The following IDE variants were observed in gnomAD, a reference collection of about 807,000 sequenced individuals.
IDE encodes the protein insulin-degrading enzyme.
A neutral mutation model predicts 133.2 loss-of-function variants in IDE; 58 were observed. The ratio of observed to expected loss-of-function variants is 0.44; its 90% CI spans 0.35 to 0.54. IDE has a LOEUF of 0.54. IDE is among the 20% of genes least tolerant of loss of function. IDE has a pLI of 0.00. For synonymous variants in IDE, 396 were observed against 421.3 expected (o/e 0.94, Z 0.73); for missense variants, 981 against 1,234.0 (o/e 0.79, Z 3.07).
chr10:92,465,713 T>G lies in IDE; in HGVS notation c.2451A>C (p.Glu817Asp). 6.2e-7 allele frequency: 1 copy of G among 1,614,040 alleles called. No homozygotes were observed. Among genetic ancestry groups the G allele is most frequent in the South Asian group, 1.1e-5 (1 of 91,078 alleles). Residue 817 changes from glutamate (E) to aspartate (D), a missense_variant, in exon 20 of 25, where the codon GAA becomes GAC. Physicochemically the swap from Glu to Asp is conservative, Grantham distance 45. Around this residue, in one of 2 missense-constraint regions of IDE, gnomAD observed 660 missense variants for 894.7 expected, o/e 0.74. Coordinates refer to ENST00000265986, the MANE Select transcript of IDE (RefSeq NM_004969.4). ...FLELFCQIIS[E>D]PCFNTLRTKE... The stretch of plus-strand genomic sequence containing the variant: ...TGGTGCGCAGGGTGTTGAAGCAAGG[T>G]TCCGAGATAATCTGACAGAAGAGCT...
intron 1 of IDE, among the ~76,000 whole-genome samples, chr10:92,564,451 C>G: frequency 6.6e-6 from 1 of 151,884 alleles, no homozygotes; most frequent in Non-Finnish European, 1.5e-5. Flanking sequence ...GCCGGCAGAT[C>G]ACTTGAGGTC....
chr10:92,503,385 G>A (rs958881238), intron 11 of IDE, among the ~76,000 whole-genome samples: 11 of 152,268 alleles, frequency 7.2e-5, no homozygotes, highest in Admixed American at 1.3e-4. Context: ...GCTCAGGCTG[G>A]TCTTAAACTC....
chr10:92,500,684 G>A (rs1365115006), intron 11 of IDE, among the ~76,000 whole-genome samples: 3 of 151,434 alleles, frequency 2.0e-5, no homozygotes, highest in East Asian at 1.9e-4. Context: ...CAATACTACC[G>A]TGTCTTAATT....
At chr10:92,506,745 A>T (rs1462627537) in intron 9 of IDE, among the ~76,000 whole-genome samples, 1 of 152,224 alleles carries the variant, frequency 6.6e-6, no homozygotes, top group Non-Finnish European at 1.5e-5. Flanking sequence ...TAAAACCAAA[A>T]GCAAAATAGG....
intron 17 of IDE, among the ~76,000 whole-genome samples, chr10:92,474,307 A>C (rs1273194958): frequency 1.3e-5 from 2 of 152,026 alleles, no homozygotes; most frequent in Non-Finnish European, 2.9e-5. Context: ...GGATCAAGCG[A>C]TCCTCCTTTC....
rs1282342931 is a variant in IDE at position 92,531,882 on chromosome 10, T to C, written c.527A>G (p.Glu176Gly). ...ATTCACCTCTCTGTCTTTGCAACTT[T>C]CATCGAACAAGGGGCACAGAAAAAA... ...AQFFLCPLFD[E>G]SCKDREVNAV... Residue 176 changes from glutamate to glycine, a missense_variant, in exon 4 of 25, where the codon GAA becomes GGA. Glu to Gly is a moderately conservative substitution (Grantham distance 98). Coordinates refer to ENST00000265986, the MANE Select transcript of IDE (RefSeq NM_004969.4). The C allele has an allele frequency of 1.3e-6, 2 of 1,568,512 alleles. No individual in the cohort carries two copies. The highest frequency in any genetic ancestry group is 1.4e-5 in the African/African-American group (1 of 73,642).
chr10:92,454,636 C>A, intron 24 of IDE, 97 bp from the exon 25 acceptor site: 1 of 806,868 alleles, frequency 1.2e-6, no homozygotes, highest in South Asian at 1.4e-5. Flanking sequence ...TACCTCAGTT[C>A]TACTTAATAT....
chr10:92,505,817 G>A (rs554505767), intron 10 of IDE, among the ~76,000 whole-genome samples: 4 of 152,288 alleles, frequency 2.6e-5, no homozygotes, highest in Admixed American at 2.6e-4. Context: ...AAATTAGAGA[G>A]CCAGTACAGT....
rs142121592 is a variant in IDE, at chr10:92,454,168, C to A, written c.*276G>T. 124 of 261,968 alleles carry A rather than the reference C, an allele frequency of 4.7e-4. 1 individual carries two copies. The highest frequency in any genetic ancestry group is 2.6e-3 in the African/African-American group (118 of 45,118). The allele number at this position is 261,968 out of a possible 1,614,324, so 16.2% of individuals were successfully genotyped here. A position where few individuals can be genotyped will look rare whatever the true frequency, so the allele number is the denominator to read the frequency against. On this transcript the variant is annotated 3_prime_UTR_variant, in exon 25 of 25. Transcript: ENST00000265986. ...AGGAAGATTCTATAGGAATATCATT[C>A]ATTTTAAGCATTGTTATATTGGGGA...
chr10:92,529,215 C>A (rs748344636), intron 4 of IDE, among the ~76,000 whole-genome samples: 20 of 152,228 alleles, frequency 1.3e-4, no homozygotes, highest in Non-Finnish European at 2.4e-4. Flanking sequence ...CTGCAACGAT[C>A]ACTTTTGCAA....
rs1411226511 is a variant in IDE, at chr10:92,573,957, G to A, written c.63C>T (p.Leu21=). The change falls in exon 1 of 25, where the codon CTC becomes CTT. Residue 21 remains leucine (L), a synonymous_variant. Transcript: ENST00000265986. ...PALPSTFRSV[L]GARLPPPERL... ...GCTCCGGAGGCGGCAGGCGGGCGCCGAGGACTGAGCGGAAGGTGCTGGGCA... is the reference window on the plus strand; with the variant it reads ...GCTCCGGAGGCGGCAGGCGGGCGCCAAGGACTGAGCGGAAGGTGCTGGGCA... The A allele has an allele frequency of 6.7e-7, 1 of 1,483,274 alleles. No individual in the cohort carries two copies. The allele number at this position is 1,483,274 out of a possible 1,614,324, so 91.9% of individuals were successfully genotyped here.
At chr10:92,519,430 A>C (rs1004306140) in intron 4 of IDE, among the ~76,000 whole-genome samples, 3 of 152,244 alleles carry the variant, frequency 2.0e-5, no homozygotes, top group African/African-American at 7.2e-5. Context: ...TGTTGCATCC[A>C]GGTGAGCTCC....
intron 17 of IDE, among the ~76,000 whole-genome samples, chr10:92,470,625 C>A (rs1367622061): frequency 6.6e-6 from 1 of 151,984 alleles, no homozygotes; most frequent in Non-Finnish European, 1.5e-5. Flanking sequence ...TTACATTTAG[C>A]TGTCATATGT....
At chr10:92,495,216 CT>C (rs71028822) in intron 11 of IDE, among the ~76,000 whole-genome samples, 19,885 of 73,440 alleles carry the variant, frequency 0.27, 1,956 homozygotes, top group African/African-American at 0.31. Context: ...TCACACTCGG[CT>C]TTTTTTTTTT....
intron 1 of IDE, among the ~76,000 whole-genome samples, chr10:92,547,889 T>C (rs1842598500): frequency 6.6e-6 from 1 of 152,214 alleles, no homozygotes; most frequent in Admixed American, 6.5e-5. Flanking sequence ...TACTGGACTA[T>C]TCTGGTCAAA....
chr10:92,563,183 G>T (rs1193505550), intron 1 of IDE, among the ~76,000 whole-genome samples: 3 of 152,160 alleles, frequency 2.0e-5, no homozygotes, highest in Non-Finnish European at 2.9e-5. Context: ...CCCGGGACGC[G>T]GAGGTTGCAG....
intron 3 of IDE, among the ~76,000 whole-genome samples, chr10:92,532,145 T>A (rs150175463): frequency 6.6e-6 from 1 of 151,682 alleles, no homozygotes; most frequent in African/African-American, 2.4e-5. Context: ...ACCCCAGAGA[T>A]GATAAACAGT....
At chr10:92,545,234 G>T (rs1420014364) in intron 1 of IDE, among the ~76,000 whole-genome samples, 2 of 151,828 alleles carry the variant, frequency 1.3e-5, no homozygotes, top group Admixed American at 6.6e-5. Flanking sequence ...ACATTGTATT[G>T]GTAGTTCTAA....
At chr10:92,513,247 C>T (rs1000143616) in intron 5 of IDE, among the ~76,000 whole-genome samples, 3 of 152,136 alleles carry the variant, frequency 2.0e-5, no homozygotes, top group Non-Finnish European at 4.4e-5. Context: ...GGCTGGAGTG[C>T]AGTGGCACAA....
Sources: gnomAD v4.1 joint callset for allele counts (sites outside exome capture counted in the v4.1 genomes callset) on GRCh38, gnomAD v4.1.1 for gene constraint, gnomAD v4.1.1 regional missense constraint, MANE v1.5 for transcripts, NCBI Gene and HGNC (gene_info 2026-07-23, HGNC 2026-07-21) for gene names.